GFRA2: variants seen among roughly 807,000 people sequenced by gnomAD.
GFRA2 encodes GDNF family receptor alpha 2.
In GFRA2, 17 loss-of-function variants were observed where a neutral mutation model predicts 48.3. The ratio of observed to expected loss-of-function variants is 0.35; its 90% confidence interval spans 0.24 to 0.53. GFRA2 has a LOEUF of 0.53. Among genes scored for constraint, GFRA2 ranks in the 20% least tolerant of loss-of-function variants. The probability of loss-of-function intolerance (pLI) is 0.93; values close to 1 mark genes in which losing one functional copy is unlikely to be tolerated. For missense variants in GFRA2, 660 were observed against 637.3 expected (o/e 1.04, Z -0.38); for synonymous variants, 305 against 257.2 (o/e 1.19, Z -1.78).
intron 1 of GFRA2, among the ~76,000 whole-genome samples, chr8:21,784,538 G>C (rs1033384374): frequency 1.3e-4 from 20 of 152,302 alleles, no homozygotes; most frequent in Admixed American, 1.3e-3. Flanking sequence ...TAAAGGCAGC[G>C]CGCTGCACAG....
intron 4 of GFRA2, among the ~76,000 whole-genome samples, chr8:21,720,735 C>T (rs1422045471): frequency 3.3e-5 from 5 of 152,192 alleles, no homozygotes; most frequent in Admixed American, 6.5e-5. Flanking sequence ...TCCAAACCCA[C>T]CTCAGGTACC....
chr8:21,786,363 C>T (rs1807268051), intron 1 of GFRA2, among the ~76,000 whole-genome samples: 1 of 152,242 alleles, frequency 6.6e-6, no homozygotes, highest in South Asian at 2.1e-4. Flanking sequence ...CACCTGGGAG[C>T]CCTGCCCATG....
At chr8:21,793,102 T>G (rs368333928), upstream of GFRA2, among the ~76,000 whole-genome samples, 26 of 151,856 alleles carry the variant, frequency 1.7e-4, no homozygotes, top group East Asian at 3.7e-3. Context: ...AAAGGAACAA[T>G]CCAGTGGGTG....
At chr8:21,735,370 C>T (rs1165886448) in intron 4 of GFRA2, among the ~76,000 whole-genome samples, 1 of 148,746 alleles carries the variant, frequency 6.7e-6, no homozygotes, top group Non-Finnish European at 1.5e-5. Flanking sequence ...GGAAACCAAG[C>T]CCCCCCCCAA....
At chr8:21,755,178 A>G (rs1805508728) in intron 3 of GFRA2, among the ~76,000 whole-genome samples, 1 of 152,188 alleles carries the variant, frequency 6.6e-6, no homozygotes. Context: ...CACAGAACGT[A>G]CAACACCAAG....
At chr8:21,723,695 C>G (rs917790086) in intron 4 of GFRA2, among the ~76,000 whole-genome samples, 5 of 152,168 alleles carry the variant, frequency 3.3e-5, no homozygotes, top group African/African-American at 9.7e-5. Context: ...CTTTTGGACA[C>G]CCCTGGGAAA....
Position 21,759,495 on chromosome 8 carries a change from AAG to A in GFRA2, c.440-8555_440-8554del, listed in dbSNP as rs1563252158. On this transcript the variant is annotated intron_variant, in intron 3 of 8. Transcript: ENST00000524240. ...GAGGGAAAGAAGGAAAGAAGGAAGG[AAG>A]GAAGGAAGGAAGGAAGGAAGGAAGG... Among the ~76,000 whole-genome samples, 164 of 124,448 alleles carry A rather than the reference AAG, an allele frequency of 1.3e-3. 3 individuals carry two copies. The highest frequency in any genetic ancestry group is 0.01 in the East Asian group (40 of 3,992). The allele number at this position is 124,448 out of a possible 152,430, so 81.6% of individuals were successfully genotyped here.
intron 7 of GFRA2, among the ~76,000 whole-genome samples, chr8:21,699,115 C>G (rs796710915): frequency 2.0e-5 from 3 of 152,210 alleles, no homozygotes; most frequent in African/African-American, 7.2e-5. Flanking sequence ...TGGTCCCGGC[C>G]CATGAGGCTT....
intron 1 of GFRA2, among the ~76,000 whole-genome samples, chr8:21,806,323 A>C (rs530280553): frequency 6.6e-6 from 1 of 152,376 alleles, no homozygotes; most frequent in South Asian, 2.1e-4. Flanking sequence ...AAGAGTACTC[A>C]ATAAATTACA....
chr8:21,719,018 C>T (rs1054656742), intron 4 of GFRA2, among the ~76,000 whole-genome samples: 2 of 151,920 alleles, frequency 1.3e-5, no homozygotes, highest in Non-Finnish European at 2.9e-5. Flanking sequence ...GCCTCCTTGG[C>T]CCCCCCTTGC....
rs113781725 is a variant in GFRA2, at chr8:21,779,968, C to T, written c.355+2617G>A. Among the ~76,000 whole-genome samples, 1,457 of 152,112 alleles carry T rather than the reference C, an allele frequency of 9.6e-3. 19 individuals carry two copies. Among genetic ancestry groups the T allele is most frequent in the African/African-American group, 0.032 (1,330 of 41,498 alleles). On this transcript the variant is annotated intron_variant, in intron 2 of 8. Coordinates refer to ENST00000524240, the MANE Select transcript of GFRA2 (RefSeq NM_001495.5). The stretch of plus-strand genomic sequence containing the variant: ...CCCTCCCCTTCCCAAAGGCACCATT[C>T]CACAGAAGACCCTTCTGTCTTCTTC...
At chr8:21,761,680 T>C (rs1159439628) in intron 3 of GFRA2, among the ~76,000 whole-genome samples, 1 of 152,090 alleles carries the variant, frequency 6.6e-6, no homozygotes, top group Non-Finnish European at 1.5e-5. Flanking sequence ...CTGGGTGCGG[T>C]TGCTCACACC....
chr8:21,766,512 C>T (rs945430002), intron 3 of GFRA2, among the ~76,000 whole-genome samples: 2 of 151,724 alleles, frequency 1.3e-5, no homozygotes, highest in Non-Finnish European at 2.9e-5. Context: ...CTAAGCTCCC[C>T]GAGTTAGCGC....
intron 1 of GFRA2, among the ~76,000 whole-genome samples, chr8:21,786,767 C>T (rs1336825571): frequency 4.6e-5 from 7 of 152,184 alleles, no homozygotes; most frequent in African/African-American, 1.7e-4. Context: ...CACCCAATGA[C>T]TCCGGTCCCC....
chr8:21,801,303 A>C (rs1807766179), intron 2 of GFRA2, among the ~76,000 whole-genome samples: 1 of 152,118 alleles, frequency 6.6e-6, no homozygotes, highest in African/African-American at 2.4e-5. Context: ...TGGCTGCAGG[A>C]CTGGGAGGCA....
At chr8:21,716,167 C>T (rs965372327) in intron 4 of GFRA2, among the ~76,000 whole-genome samples, 5 of 151,950 alleles carry the variant, frequency 3.3e-5, no homozygotes, top group African/African-American at 2.4e-5. Context: ...TACTGAAAAT[C>T]GAAAAATTAG....
At chr8:21,767,270 A>G (rs1379802028) in intron 3 of GFRA2, among the ~76,000 whole-genome samples, 1 of 150,706 alleles carries the variant, frequency 6.6e-6, no homozygotes, top group African/African-American at 2.4e-5. Flanking sequence ...ACCACCACAT[A>G]CACACACACC....
At chr8:21,744,686 T>C (rs1563242485) in intron 4 of GFRA2, among the ~76,000 whole-genome samples, 1 of 151,174 alleles carries the variant, frequency 6.6e-6, no homozygotes, top group Non-Finnish European at 1.5e-5. Context: ...GGGGCTGGAA[T>C]GAATCCAGCC....
chr8:21,802,332 T>TA (rs1807786701), intron 2 of GFRA2, among the ~76,000 whole-genome samples: 1 of 152,198 alleles, frequency 6.6e-6, no homozygotes, highest in African/African-American at 2.4e-5. Flanking sequence ...GGCACTGACA[T>TA]AGACACATTG....
Sources: allele counts gnomAD v4.1 joint callset (sites outside exome capture counted in the v4.1 genomes callset), GRCh38; gene constraint gnomAD v4.1.1; transcripts MANE v1.5; gene names NCBI Gene and HGNC (gene_info 2026-07-23, HGNC 2026-07-21).